Variants in STX6 observed in about 807,000 individuals in gnomAD.
STX6 encodes syntaxin 6.
A neutral mutation model predicts 38.0 loss-of-function variants in STX6; 23 were observed. The observed-to-expected ratio is 0.60, with a 90% confidence interval of 0.43 to 0.86. The LOEUF (loss-of-function observed/expected upper bound fraction) is 0.86. STX6 is among the 40% of genes least tolerant of loss of function. The probability of loss-of-function intolerance (pLI) is 0.00; values close to 1 mark genes in which losing one functional copy is unlikely to be tolerated. For missense variants in STX6, 274 were observed against 312.9 expected, an observed-to-expected ratio of 0.88 and a Z score of 0.94; for synonymous variants, 123 against 107.5, an observed-to-expected ratio of 1.14 and a Z score of -0.89.
intron 4 of STX6, among the ~76,000 whole-genome samples, chr1:180,990,749 C>T (rs1192676053): frequency 1.3e-5 from 2 of 152,144 alleles, no homozygotes; most frequent in African/African-American, 2.4e-5. Context: ...CCCTGGCAAC[C>T]GAGGCAAGGG....
intron 3 of STX6, among the ~76,000 whole-genome samples, chr1:180,998,091 G>T (rs1224924391): frequency 6.6e-6 from 1 of 152,180 alleles, no homozygotes; most frequent in Admixed American, 6.5e-5. Flanking sequence ...TGAAGAAAAT[G>T]CAAAGTCTTG....
intron 4 of STX6, among the ~76,000 whole-genome samples, chr1:180,992,301 C>G (rs377248241): frequency 2.6e-5 from 4 of 152,194 alleles, no homozygotes; most frequent in African/African-American, 9.6e-5. Context: ...GAAAAGGAAA[C>G]AGGAAAATTA....
intron 3 of STX6, among the ~76,000 whole-genome samples, chr1:180,995,091 T>G (rs767042913): frequency 6.6e-6 from 1 of 151,972 alleles, no homozygotes; most frequent in Non-Finnish European, 1.5e-5. Context: ...GCCTCCTGAA[T>G]AGCTGGGACT....
chr1:180,998,210 G>C (rs1297311151), intron 3 of STX6, among the ~76,000 whole-genome samples: 5 of 152,110 alleles, frequency 3.3e-5, no homozygotes, highest in South Asian at 2.1e-4. Flanking sequence ...GTATTCTAAA[G>C]TTGCAGTTTT....
At position 180,974,752 on chromosome 1, in the gene STX6, A is replaced by C. The variant is rs1655203548; in HGVS notation, c.*1818T>G. 6.6e-6 allele frequency: 1 copy of C among 152,666 alleles called. No homozygotes were observed. Among genetic ancestry groups the C allele is most frequent in the Non-Finnish European group, 1.5e-5 (1 of 68,038 alleles). The allele number at this position is 152,666 out of a possible 1,614,324, so 9.5% of individuals were successfully genotyped here. The stretch of plus-strand genomic sequence containing the variant: ...AAGATTCAAACTTTGTAAAACATAA[A>C]TAACCTAGTACTCTAAACATCTGAA... On this transcript the variant is annotated 3_prime_UTR_variant, in exon 8 of 8. Coordinates refer to ENST00000258301, the MANE Select transcript of STX6 (RefSeq NM_005819.6).
chr1:181,004,306 T>C (rs762395246), intron 2 of STX6, among the ~76,000 whole-genome samples: 1 of 152,188 alleles, frequency 6.6e-6, no homozygotes, highest in Non-Finnish European at 1.5e-5. Flanking sequence ...GTATCTTTTG[T>C]ATGTTAATGG....
chr1:180,977,332 G>C (rs992501389), intron 7 of STX6, among the ~76,000 whole-genome samples: 1 of 152,238 alleles, frequency 6.6e-6, no homozygotes, highest in Admixed American at 6.5e-5. Context: ...AAATGGCTGA[G>C]AGCAGGGAGG....
chr1:180,981,292 C>T (rs1355357701), intron 7 of STX6, among the ~76,000 whole-genome samples: 1 of 152,056 alleles, frequency 6.6e-6, no homozygotes, highest in Non-Finnish European at 1.5e-5. Flanking sequence ...TATGGGAACT[C>T]TCTGTACTTC....
At chr1:180,981,836 G>C (rs181647240) in intron 7 of STX6, among the ~76,000 whole-genome samples, 1 of 152,092 alleles carries the variant, frequency 6.6e-6, no homozygotes, top group Non-Finnish European at 1.5e-5. Context: ...TAACCACAGG[G>C]GCTCTTGTGA....
At chr1:180,991,373 T>C (rs536005936) in intron 4 of STX6, among the ~76,000 whole-genome samples, 5 of 152,204 alleles carry the variant, frequency 3.3e-5, no homozygotes, top group Admixed American at 3.3e-4. Flanking sequence ...ACTGAAAAGA[T>C]CCTGCTCATT....
chr1:181,002,307 G>A (rs993034458), intron 3 of STX6, among the ~76,000 whole-genome samples: 1 of 151,572 alleles, frequency 6.6e-6, no homozygotes, highest in Non-Finnish European at 1.5e-5. Flanking sequence ...GCACCACCAT[G>A]CCCAGCTAAT....
chr1:181,008,842 T>C (rs1191662519), intron 1 of STX6, among the ~76,000 whole-genome samples: 2 of 149,242 alleles, frequency 1.3e-5, no homozygotes, highest in Non-Finnish European at 3.0e-5. Flanking sequence ...TGAGAAAATA[T>C]CTCGAGAATT....
At chr1:181,016,814 C>T (rs972426296) in intron 1 of STX6, among the ~76,000 whole-genome samples, 12 of 152,176 alleles carry the variant, frequency 7.9e-5, no homozygotes, top group Non-Finnish European at 1.6e-4. Context: ...ATGCTGGGTG[C>T]GGTGGCTCAT....
intron 3 of STX6, among the ~76,000 whole-genome samples, chr1:180,999,428 T>A (rs982223529): frequency 6.6e-6 from 1 of 152,170 alleles, no homozygotes; most frequent in Non-Finnish European, 1.5e-5. Flanking sequence ...TATAGGTGAC[T>A]CCACAAGAGT....
intron 1 of STX6, among the ~76,000 whole-genome samples, chr1:181,007,056 A>T (rs964539628): frequency 6.6e-6 from 1 of 152,156 alleles, no homozygotes; most frequent in Non-Finnish European, 1.5e-5. Flanking sequence ...TCTTTATGGG[A>T]TCTGGGTGAT....
intron 3 of STX6, among the ~76,000 whole-genome samples, chr1:181,001,713 G>C (rs540169242): frequency 6.6e-6 from 1 of 152,296 alleles, no homozygotes; most frequent in South Asian, 2.1e-4. Flanking sequence ...TTCTACAATA[G>C]CAATTGTTTT....
chr1:180,976,745 G>A, intron 7 of STX6, 99 bp from the exon 8 acceptor site: 1 of 1,092,086 alleles, frequency 9.2e-7, no homozygotes, highest in East Asian at 2.4e-5. Flanking sequence ...CAGAAAAGGG[G>A]CAGAACGTGC....
At chr1:180,988,485 G>C (rs928889361) in intron 5 of STX6, 140 bp from the exon 6 acceptor site, 8 of 630,878 alleles carry the variant, frequency 1.3e-5, no homozygotes, top group Middle Eastern at 3.7e-4. Context: ...CAAAGGACCA[G>C]ACCGTTGCCT....
chr1:180,985,561 C>A (rs1252665019), intron 6 of STX6, among the ~76,000 whole-genome samples: 1 of 152,214 alleles, frequency 6.6e-6, no homozygotes, highest in Non-Finnish European at 1.5e-5. Flanking sequence ...TCTGTGCATG[C>A]ACACGCGCAT....
Sources: gnomAD v4.1 joint callset for allele counts (sites outside exome capture counted in the v4.1 genomes callset) on GRCh38, gnomAD v4.1.1 for gene constraint, MANE v1.5 for transcripts, NCBI Gene and HGNC (gene_info 2026-07-23, HGNC 2026-07-21) for gene names.